Variants in TEKT1 observed in about 807,000 individuals in gnomAD.
TEKT1 encodes tektin-1.
Under a neutral mutation model 34.8 loss-of-function variants are expected in TEKT1, and 32 were observed. The observed-to-expected ratio is 0.92, with a 90% CI of 0.69 to 1.23. The LOEUF is 1.23. Ranked by LOEUF, TEKT1 falls within the 50% of genes most tolerant of loss-of-function variation. The pLI is 0.00. For synonymous variants in TEKT1, 207 were observed against 199.8 expected, an observed-to-expected ratio of 1.04 and a Z score of -0.30; for missense variants, 492 against 518.5, an observed-to-expected ratio of 0.95 and a Z score of 0.50.
Position 6,819,200 on chromosome 17 carries a change from C to A in TEKT1, c.349G>T (p.Ala117Ser), listed in dbSNP as rs761109724. 2.5e-6 allele frequency: 4 copies of A among 1,611,804 alleles called. 1 individual carries two copies. The South Asian group carries it at 4.4e-5, about 18-fold the overall frequency. ...AGGGACCTTCGCTCCTACCTGTATGCCAGGCATGTCTCAGTGATGTGCAAG... is the reference window on the plus strand; with the variant it reads ...AGGGACCTTCGCTCCTACCTGTATGACAGGCATGTCTCAGTGATGTGCAAG... ...EPLHITETCL[A>S]YREKRIGIDL... is the part of the protein sequence containing the mutation. The change falls in exon 3 of 8, where the codon GCA (alanine) becomes TCA (serine). Residue 117 changes from alanine (A) to serine (S), a missense_variant. By Grantham distance (99) the Ala-to-Ser change is moderately conservative. Transcript: ENST00000338694.
In TEKT1 at chr17:6,798,933, A is replaced by G. The variant is rs1310631932; in HGVS notation, c.*1094T>C. On this transcript the variant is annotated 3_prime_UTR_variant, in exon 8 of 8. Coordinates refer to ENST00000338694, the MANE Select transcript of TEKT1 (RefSeq NM_053285.2). ...AGAAGCTAGGTCTCCTGAGCCCCAC[A>G]CCGTCAGCTGTCCATGAGCACCGGG... 1 of 152,178 alleles carries G rather than the reference A, an allele frequency of 6.6e-6. No homozygotes were observed. Among genetic ancestry groups the G allele is most frequent in the Non-Finnish European group, 1.5e-5 (1 of 68,044 alleles). The allele number at this position is 152,178 out of a possible 1,614,324, so 9.4% of individuals were successfully genotyped here. A position where few individuals can be genotyped will look rare whatever the true frequency, so the allele number is the denominator to read the frequency against.
chr17:6,829,024 G>A (rs1388327387), intron 2 of TEKT1, among the ~76,000 whole-genome samples: 8 of 152,002 alleles, frequency 5.3e-5, no homozygotes, highest in African/African-American at 1.2e-4. Flanking sequence ...GATGGTGCAC[G>A]CCTGTAATCC....
chr17:6,807,107 A>G (rs1279627764), intron 6 of TEKT1, among the ~76,000 whole-genome samples: 1 of 152,194 alleles, frequency 6.6e-6, no homozygotes, highest in Non-Finnish European at 1.5e-5. Flanking sequence ...AGGTACACCA[A>G]TCAGATGTAG....
rs557874966 is a variant in TEKT1 at position 6,829,769 on chromosome 17, T to G, written c.190+418A>C. Among the ~76,000 whole-genome samples, 22 of 126,742 alleles carry G rather than the reference T, an allele frequency of 1.7e-4. No homozygotes were observed. The South Asian group carries it at 4.9e-3, about 29-fold the overall frequency. The allele number at this position is 126,742 out of a possible 152,430, so 83.1% of individuals were successfully genotyped here. On this transcript the variant is annotated intron_variant, in intron 2 of 7. Transcript: ENST00000338694. ...CTTTAATTGTTGTAATCTTTTATTGTTTTTTTTTCCTAAGTATTTTGGACC... is the reference window on the plus strand; with the variant it reads ...CTTTAATTGTTGTAATCTTTTATTGGTTTTTTTTCCTAAGTATTTTGGACC...
intron 5 of TEKT1, among the ~76,000 whole-genome samples, chr17:6,814,394 C>T (rs186450094): frequency 6.6e-6 from 1 of 152,020 alleles, no homozygotes; most frequent in East Asian, 1.9e-4. Flanking sequence ...TAATGTTAAC[C>T]GAAAAATGCA....
intron 5 of TEKT1, among the ~76,000 whole-genome samples, chr17:6,814,634 T>G (rs370944858): frequency 1.3e-5 from 2 of 152,028 alleles, no homozygotes; most frequent in Non-Finnish European, 2.9e-5. Context: ...GTCAGGAGAT[T>G]GAGACCATCC....
rs752190932 is a variant in TEKT1, at chr17:6,830,413, T to C, written c.-17-20A>G. 6.7e-7 allele frequency: 1 copy of C among 1,485,442 alleles called. No homozygotes were observed. The highest frequency in any genetic ancestry group is 9.0e-7 in the Non-Finnish European group (1 of 1,107,306). 92.0% of individuals were successfully genotyped at this position (1,485,442 alleles called of 1,614,324 possible). On this transcript the variant is annotated intron_variant, in intron 1 of 7. Coordinates refer to ENST00000338694, the MANE Select transcript of TEKT1 (RefSeq NM_053285.2). The stretch of plus-strand genomic sequence containing the variant: ...AAATTCCTGATCAAAAGCAGACTCT[T>C]TTAGATTAAATGAAAGCAATTTGTC...
At chr17:6,806,244 T>C (rs1222457024) in intron 6 of TEKT1, among the ~76,000 whole-genome samples, 7 of 152,216 alleles carry the variant, frequency 4.6e-5, no homozygotes, top group Non-Finnish European at 1.0e-4. Context: ...TCTCTTTTGA[T>C]CTTTGTTGGT....
chr17:6,812,812 C>A lies in TEKT1; in HGVS notation c.852+19G>T. Reference sequence around the variant, plus strand: ...CTCCTGAATCTGCTCTTCTTCCATGCTCCCTCAAGGGACCTCACCTTGGCC... The same window carrying A: ...CTCCTGAATCTGCTCTTCTTCCATGATCCCTCAAGGGACCTCACCTTGGCC... On this transcript the variant is annotated intron_variant, in intron 6 of 7. Transcript: ENST00000338694. 1 of 1,606,260 alleles carries A rather than the reference C, an allele frequency of 6.2e-7. No homozygotes were observed. Among genetic ancestry groups the A allele is most frequent in the South Asian group, 1.1e-5 (1 of 90,746 alleles).
At chr17:6,830,840 G>A (rs1904555382) in intron 1 of TEKT1, among the ~76,000 whole-genome samples, 1 of 151,980 alleles carries the variant, frequency 6.6e-6, no homozygotes, top group South Asian at 2.1e-4. Context: ...ATGGATATTT[G>A]GGTTGTTTAC....
chr17:6,803,073 C>A (rs1228927482), intron 6 of TEKT1, among the ~76,000 whole-genome samples: 2 of 151,948 alleles, frequency 1.3e-5, no homozygotes, highest in African/African-American at 4.8e-5. Flanking sequence ...ACAGTCCCAC[C>A]AACAGTGTAA....
chr17:6,802,343 C>A (rs1976785296), intron 6 of TEKT1, among the ~76,000 whole-genome samples: 1 of 152,098 alleles, frequency 6.6e-6, no homozygotes, highest in Admixed American at 6.5e-5. Flanking sequence ...GCTCCTACTT[C>A]AAACTTACTT....
chr17:6,829,777 TC>T (rs953205701), intron 2 of TEKT1, among the ~76,000 whole-genome samples: 5 of 152,160 alleles, frequency 3.3e-5, no homozygotes, highest in African/African-American at 1.2e-4. Context: ...TGTTTTTTTT[TC>T]CTAAGTATTT....
intron 2 of TEKT1, among the ~76,000 whole-genome samples, chr17:6,824,872 G>A (rs1217783337): frequency 6.6e-6 from 1 of 152,184 alleles, no homozygotes; most frequent in Non-Finnish European, 1.5e-5. Flanking sequence ...GTGCCTGAAG[G>A]AATCTAGGTG....
At chr17:6,807,988 T>G (rs985065208) in intron 6 of TEKT1, among the ~76,000 whole-genome samples, 1 of 152,188 alleles carries the variant, frequency 6.6e-6, no homozygotes, top group African/African-American at 2.4e-5. Context: ...ACTACTCTCT[T>G]CAAAGCTGTC....
In TEKT1 at chr17:6,815,242, T is replaced by C. The variant is rs1976988066; in HGVS notation, c.550A>G (p.Ile184Val). 1.2e-6 allele frequency: 2 copies of C among 1,614,142 alleles called. No homozygotes were observed. Among genetic ancestry groups the C allele is most frequent in the Admixed American group, 1.7e-5 (1 of 60,008 alleles). The part of the protein sequence containing the change: ...DLKDKFVALT[I>V]DDICFSLNNN... ...TTGAGCGAGAAGCAGATATCATCTA[T>C]GGTCAGGGCCACAAACTTGTCCTTC... is the stretch of plus-strand genomic sequence containing the variant. Residue 184 changes from isoleucine to valine, a missense_variant, in exon 5 of 8, where the codon ATA becomes GTA. By Grantham distance (29) the Ile-to-Val change is conservative (BLOSUM62 3). Coordinates refer to ENST00000338694, the MANE Select transcript of TEKT1 (RefSeq NM_053285.2).
At chr17:6,819,980 G>A (rs996095370) in intron 2 of TEKT1, among the ~76,000 whole-genome samples, 7 of 152,222 alleles carry the variant, frequency 4.6e-5, no homozygotes, top group East Asian at 1.9e-4. Flanking sequence ...CAGCCACTGC[G>A]CCAGGCCCCT....
At chr17:6,822,301 T>G (rs1977103251) in intron 2 of TEKT1, among the ~76,000 whole-genome samples, 1 of 152,096 alleles carries the variant, frequency 6.6e-6, no homozygotes, top group Non-Finnish European at 1.5e-5. Context: ...CACACCCACC[T>G]AATTTTCTTA....
At chr17:6,820,696 G>A (rs1445937049) in intron 2 of TEKT1, among the ~76,000 whole-genome samples, 1 of 152,070 alleles carries the variant, frequency 6.6e-6, no homozygotes, top group Admixed American at 6.5e-5. Flanking sequence ...TGGATGAGTT[G>A]CTCTCTAGTT....
Sources: gnomAD v4.1 joint callset for allele counts (sites outside exome capture counted in the v4.1 genomes callset) on GRCh38, gnomAD v4.1.1 for gene constraint, MANE v1.5 for transcripts, NCBI Gene and HGNC (gene_info 2026-07-23, HGNC 2026-07-21) for gene names.